ESRRG: variants seen among roughly 807,000 people sequenced by gnomAD.
ESRRG encodes estrogen-related receptor gamma.
ESRRG carries 13 observed loss-of-function variants against 44.0 expected under a neutral mutation model. The ratio of observed to expected loss-of-function variants is 0.30; its 90% confidence interval spans 0.19 to 0.47. ESRRG has a LOEUF of 0.47. ESRRG is among the 20% of genes least tolerant of loss of function. The probability of loss-of-function intolerance (pLI) is 1.00; values close to 1 mark genes in which losing one functional copy is unlikely to be tolerated. For missense variants in ESRRG, 395 were observed against 580.6 expected, an observed-to-expected ratio of 0.68 and a Z score of 3.29; for synonymous variants, 215 against 214.6, an observed-to-expected ratio of 1.00 and a Z score of -0.02.
chr1:217,116,816 G>A (rs1412214485), intron 1 of ESRRG, among the ~76,000 whole-genome samples: 3 of 152,132 alleles, frequency 2.0e-5, no homozygotes, highest in Non-Finnish European at 4.4e-5. Flanking sequence ...AGCCCATTGG[G>A]ATGGTGGTAG....
intron 1 of ESRRG, among the ~76,000 whole-genome samples, chr1:217,051,278 G>A (rs933319124): frequency 6.0e-5 from 9 of 149,668 alleles, no homozygotes; most frequent in African/African-American, 2.2e-4. Flanking sequence ...TTCCCTTTAG[G>A]TATTATCCTG....
chr1:217,047,874 G>T (rs1231388942), intron 1 of ESRRG, among the ~76,000 whole-genome samples: 3 of 152,168 alleles, frequency 2.0e-5, no homozygotes, highest in African/African-American at 7.2e-5. Context: ...TATAGGCCAA[G>T]GGAGAGAGAA....
At chr1:216,777,761 A>T (rs2093668593) in intron 2 of ESRRG, among the ~76,000 whole-genome samples, 1 of 152,144 alleles carries the variant, frequency 6.6e-6, no homozygotes, top group Admixed American at 6.6e-5. Context: ...ATACACACAC[A>T]TAACACATAC....
chr1:216,538,897 C>A (rs1274830960), intron 5 of ESRRG, among the ~76,000 whole-genome samples: 1 of 151,986 alleles, frequency 6.6e-6, no homozygotes, highest in East Asian at 1.9e-4. Context: ...GCAGAATATT[C>A]ATCGAACAGG....
intron 1 of ESRRG, among the ~76,000 whole-genome samples, chr1:217,033,588 C>T (rs2082392175): frequency 6.6e-6 from 1 of 152,088 alleles, no homozygotes; most frequent in Non-Finnish European, 1.5e-5. Flanking sequence ...TCTGAATATA[C>T]TAGAAGCCAT....
intron 1 of ESRRG, among the ~76,000 whole-genome samples, chr1:216,988,375 TC>T (rs1340676989): frequency 6.6e-6 from 1 of 152,192 alleles, no homozygotes; most frequent in Admixed American, 6.5e-5. Flanking sequence ...ATTTTTGATC[TC>T]CCATACTTAT....
At chr1:217,044,239 T>C (rs1482796315) in intron 1 of ESRRG, among the ~76,000 whole-genome samples, 4 of 152,136 alleles carry the variant, frequency 2.6e-5, no homozygotes, top group Non-Finnish European at 5.9e-5. Context: ...TACATGGAAG[T>C]CCTTGCCCAG....
At chr1:216,719,724 A>C (rs2152053109) in intron 1 of ESRRG, among the ~76,000 whole-genome samples, 1 of 152,164 alleles carries the variant, frequency 6.6e-6, no homozygotes, top group South Asian at 2.1e-4. Context: ...AAAACACTAG[A>C]AAAATGATCA....
intron 2 of ESRRG, among the ~76,000 whole-genome samples, chr1:216,661,675 C>A (rs939385512): frequency 6.6e-6 from 1 of 152,218 alleles, no homozygotes; most frequent in East Asian, 1.9e-4. Context: ...ACAAGTATAA[C>A]CCTTTCTAAT....
At position 216,814,257 on chromosome 1, in the gene ESRRG, A is replaced by G. The variant is rs370644314; in HGVS notation, c.-14+125325T>C. ...ACTGCACTGTGGACATGAGCAGCAG[A>G]CCTGTGCTTATTTAGTATTTATTTT... On this transcript the variant is annotated intron_variant, in intron 2 of 7. Transcript: ENST00000359162. Among the ~76,000 whole-genome samples the G allele has an allele frequency of 2.6e-5, 4 of 152,202 alleles. 1 individual carries two copies. The South Asian group carries it at 8.3e-4, about 32-fold the overall frequency.
intron 2 of ESRRG, among the ~76,000 whole-genome samples, chr1:216,768,091 G>T (rs2093175703): frequency 6.6e-6 from 1 of 152,052 alleles, no homozygotes; most frequent in African/African-American, 2.4e-5. Flanking sequence ...GAAAGGAAGG[G>T]GTTATAATCA....
intron 2 of ESRRG, among the ~76,000 whole-genome samples, chr1:216,790,119 A>G (rs1009270713): frequency 6.6e-5 from 10 of 152,172 alleles, no homozygotes; most frequent in African/African-American, 2.4e-4. Flanking sequence ...CAAAACTACC[A>G]TCAGGCTGGA....
At chr1:216,692,298 G>A (rs930153489) in intron 1 of ESRRG, among the ~76,000 whole-genome samples, 8 of 116,990 alleles carry the variant, frequency 6.8e-5, no homozygotes, top group Non-Finnish European at 1.1e-4. Flanking sequence ...CCCTGTGTAG[G>A]CCTAGGCTAG....
intron 1 of ESRRG, among the ~76,000 whole-genome samples, chr1:216,993,009 T>G (rs1553760078): frequency 1.3e-5 from 2 of 152,190 alleles, no homozygotes; most frequent in Non-Finnish European, 2.9e-5. Context: ...CTGATATATT[T>G]GTTTCAATTG....
intron 1 of ESRRG, among the ~76,000 whole-genome samples, chr1:217,135,628 C>T (rs981970410): frequency 1.3e-5 from 2 of 152,138 alleles, no homozygotes; most frequent in Non-Finnish European, 2.9e-5. Flanking sequence ...CAGGCGCGGA[C>T]CCACATTCAC....
intron 2 of ESRRG, among the ~76,000 whole-genome samples, chr1:216,754,742 C>T (rs1010918788): frequency 2.1e-4 from 30 of 142,482 alleles, no homozygotes; most frequent in Admixed American, 3.6e-4. Flanking sequence ...AATCTAGTTG[C>T]GTGTTGCGTA....
intron 2 of ESRRG, among the ~76,000 whole-genome samples, chr1:216,834,341 C>T (rs2095531162): frequency 6.6e-6 from 1 of 152,126 alleles, no homozygotes; most frequent in Admixed American, 6.5e-5. Flanking sequence ...TTTGAGGCTG[C>T]AGTGAGCTGT....
rs183448600 is a variant in ESRRG at position 216,863,578 on chromosome 1, G to A, written c.-14+76004C>T. On this transcript the variant is annotated intron_variant, in intron 2 of 7. Transcript: ENST00000359162. ...ATAGGGCAAGGGTATAGTCCAATTA[G>A]TCAAACCTTTTATTTCCACTTTCTG... The A allele has an allele frequency of 5.9e-5, 9 of 152,202 alleles. No homozygotes were observed. The East Asian group carries it at 1.7e-3, about 29-fold the overall frequency. 9.4% of individuals were successfully genotyped at this position (152,202 alleles called of 1,614,324 possible). A position where few individuals can be genotyped will look rare whatever the true frequency, so the allele number is the denominator to read the frequency against.
At chr1:216,611,012 G>A (rs2150311326) in intron 3 of ESRRG, among the ~76,000 whole-genome samples, 1 of 152,032 alleles carries the variant, frequency 6.6e-6, no homozygotes, top group East Asian at 1.9e-4. Context: ...AGACTAGCCT[G>A]ACCAACATGA....
Sources: allele counts gnomAD v4.1 joint callset (sites outside exome capture counted in the v4.1 genomes callset), GRCh38; gene constraint gnomAD v4.1.1; transcripts MANE v1.5; gene names NCBI Gene and HGNC (gene_info 2026-07-23, HGNC 2026-07-21).